DNAH2: variants seen among roughly 807,000 people sequenced by gnomAD.
The protein encoded by DNAH2 is axonemal beta dynein heavy chain 2.
Under a neutral mutation model 523.5 loss-of-function variants are expected in DNAH2, and 323 were observed. That is an observed-to-expected ratio of 0.62 (90% CI 0.56 to 0.68). The LOEUF (loss-of-function observed/expected upper bound fraction) is 0.68. Among genes scored for constraint, DNAH2 ranks in the 30% least tolerant of loss-of-function variants. The pLI is 0.00. For missense variants in DNAH2, 4,907 were observed against 5,701.5 expected, an observed-to-expected ratio of 0.86 and a Z score of 4.49; for synonymous variants, 2,093 against 2,177.4, an observed-to-expected ratio of 0.96 and a Z score of 1.08.
intron 72 of DNAH2, among the ~76,000 whole-genome samples, chr17:7,820,870 C>T (rs9905627): frequency 0.019 from 2,914 of 152,174 alleles, 92 homozygotes; most frequent in African/African-American, 0.065. Flanking sequence ...GAAACCCCAT[C>T]TCTACTAAAA....
rs1277374464 is a variant in DNAH2 at position 7,718,505 on chromosome 17, CTGAGCACCTGTCCG to C, written c.-308_-295del. On this transcript the variant is annotated 5_prime_UTR_variant, in exon 1 of 86. The change abolishes the stop of an existing upstream ORF in the 5' untranslated region. Coordinates refer to ENST00000572933, the MANE Select transcript of DNAH2 (RefSeq NM_020877.5). ...CGCCTCAGACTTTGCGCCTGGGATT[CTGAGCACCTGTCCG>C]AGATCCCCGCTTCCTGCCATCCTAC... is the stretch of plus-strand genomic sequence containing the variant. The C allele has an allele frequency of 6.6e-6, 1 of 152,164 alleles. No individual in the cohort carries two copies. Among genetic ancestry groups the C allele is most frequent in the East Asian group, 1.9e-4 (1 of 5,198 alleles). 9.4% of individuals were successfully genotyped at this position (152,164 alleles called of 1,614,324 possible).
intron 49 of DNAH2, 43 bp downstream of exon 49, chr17:7,794,401 G>A (rs1334318618): frequency 6.5e-7 from 1 of 1,542,694 alleles, no homozygotes; most frequent in East Asian, 2.4e-5. Context: ...GAGGGTAGGA[G>A]GTGAAACGTG....
chr17:7,733,096 C>G lies in DNAH2; in HGVS notation c.409C>G (p.Gln137Glu). The change falls in exon 5 of 86, where the codon CAG (glutamine) becomes GAG (glutamate). Residue 137 changes from glutamine (Q) to glutamate (E), a missense_variant. Gln to Glu is a conservative substitution (Grantham distance 29). This residue lies in a region of DNAH2 where 2,806 missense variants were observed against 3,190.8 expected (regional missense o/e 0.88). Transcript: ENST00000572933. ...ELGMPVQTQNQLVYFIRQAPV... is the reference protein window; with the variant it reads ...ELGMPVQTQNELVYFIRQAPV... Reference sequence around the variant, plus strand: ...GCTGTCTTCCATGCAGACCCAGAACCAGCTTGTCTACTTCATTCGCCAAGC... The same window carrying G: ...GCTGTCTTCCATGCAGACCCAGAACGAGCTTGTCTACTTCATTCGCCAAGC... 1 of 1,614,130 alleles carries G rather than the reference C, an allele frequency of 6.2e-7. No individual in the cohort carries two copies. Among genetic ancestry groups the G allele is most frequent in the South Asian group, 1.1e-5 (1 of 91,074 alleles).
Position 7,807,299 on chromosome 17 carries a change from A to G in DNAH2, c.9592A>G (p.Met3198Val). The G allele has an allele frequency of 6.2e-7, 1 of 1,612,978 alleles. No individual in the cohort carries two copies. Among genetic ancestry groups the G allele is most frequent in the Non-Finnish European group, 8.5e-7 (1 of 1,179,684 alleles). The stretch of plus-strand genomic sequence containing the variant: ...CTCCCTGGCTGCCAAGTCCCTCTGC[A>G]TGTGGGTGCGGGCCATGGAGGTAAA... ...RVSLAAKSLC[M>V]WVRAMELYGR... is the part of the protein sequence containing the mutation. Residue 3198 changes from methionine (M) to valine (V), a missense_variant, in exon 62 of 86, where the codon ATG (methionine) becomes GTG (valine). By Grantham distance (21) the Met-to-Val change is conservative. Coordinates refer to ENST00000572933, the MANE Select transcript of DNAH2 (RefSeq NM_020877.5). The surrounding 1 kb of genome is among the most constrained non-coding windows in gnomAD (Gnocchi z 5.6).
Position 7,734,294 on chromosome 17 carries a change from G to A in DNAH2, c.739+1G>A. On this transcript the variant is annotated splice_donor_variant, in intron 6 of 85. Transcript: ENST00000572933. LOFTEE classifies it high-confidence loss of function. ...AAAGAGCTGGTGCAACGGCTAGAGA[G>A]TGAGTGGCTGGCACTGCTAGCATCA... 1 of 1,607,474 alleles carries A rather than the reference G, an allele frequency of 6.2e-7. No individual in the cohort carries two copies. The highest frequency in any genetic ancestry group is 1.1e-5 in the South Asian group (1 of 89,978).
rs768245323 is a variant in DNAH2, at chr17:7,819,285, A to G, written c.10892A>G (p.Tyr3631Cys). 4 of 1,614,182 alleles carry G rather than the reference A, an allele frequency of 2.5e-6. No homozygotes were observed. The Admixed American group carries it at 5.0e-5, about 20-fold the overall frequency. The change falls in exon 72 of 86, where the codon TAC becomes TGC. Residue 3631 changes from tyrosine (Y) to cysteine (C), a missense_variant. Physicochemically the swap from Tyr to Cys is radical, Grantham distance 194 (BLOSUM62 -2). Transcript: ENST00000572933. ...LNDMGCIDPM[Y>C]QFSLDAYISL... ...GATATGGGCTGCATCGACCCCATGT[A>G]CCAGTTCTCACTGGATGCCTACATC...
intron 51 of DNAH2, 43 bp from the exon 52 acceptor site, chr17:7,797,357 C>T (rs1440172374): frequency 1.2e-6 from 2 of 1,613,724 alleles, no homozygotes; most frequent in East Asian, 2.2e-5. Context: ...CCAGGCCATT[C>T]TCCTCTTTAT....
chr17:7,803,269 G>T (rs1219715274), intron 58 of DNAH2, among the ~76,000 whole-genome samples: 2 of 152,108 alleles, frequency 1.3e-5, no homozygotes, highest in African/African-American at 4.8e-5. Flanking sequence ...ATAAATCAAG[G>T]GTTCCCACCA....
intron 56 of DNAH2, 134 bp from the exon 57 acceptor site, chr17:7,801,444 G>T: frequency 8.0e-7 from 1 of 1,257,564 alleles, no homozygotes; most frequent in Non-Finnish European, 1.1e-6. Context: ...AACAGAATTT[G>T]GACAAGGAGA....
At chr17:7,742,874 CCCCTGG>C in intron 11 of DNAH2, 48 bp from the exon 12 acceptor site, 1 of 1,277,860 alleles carries the variant, frequency 7.8e-7, no homozygotes, top group Non-Finnish European at 1.0e-6. Context: ...GAGATGGTGG[CCCCTGG>C]AGGAAGGTGG....
Position 7,760,965 on chromosome 17 carries a change from G to T in DNAH2, c.2978+33G>T, listed in dbSNP as rs775557901. On this transcript the variant is annotated intron_variant, in intron 18 of 85. Transcript: ENST00000572933. The surrounding 1 kb of genome is among the most constrained non-coding windows in gnomAD (Gnocchi z 4.0). ...GTGAGGGTGGATTGAAAGTCTGTCT[G>T]TAGGAGGCACAGCACTGCAGGAGGA... 1 of 1,610,308 alleles carries T rather than the reference G, an allele frequency of 6.2e-7. No individual in the cohort carries two copies. The highest frequency in any genetic ancestry group is 2.2e-5 in the East Asian group (1 of 44,860).
rs1184648122 is a variant in DNAH2, at chr17:7,828,418, C to T, written c.11854-1882C>T. On this transcript the variant is annotated intron_variant, in intron 77 of 85. Coordinates refer to ENST00000572933, the MANE Select transcript of DNAH2 (RefSeq NM_020877.5). The surrounding 1 kb of genome is among the most constrained non-coding windows in gnomAD (Gnocchi z 4.1). ...TCACATCCTTAGAACAATGAAACTC[C>T]TAATCTTTAAGTATATTTCTCCATT... 6.6e-6 allele frequency among the ~76,000 whole-genome samples: 1 copy of T among 151,956 alleles called. No homozygotes were observed. The highest frequency in any genetic ancestry group is 1.5e-5 in the Non-Finnish European group (1 of 68,030).
chr17:7,797,895 G>C (rs2077111202), intron 53 of DNAH2, 66 bp downstream of exon 53: 1 of 1,532,228 alleles, frequency 6.5e-7, no homozygotes. Context: ...TAAGGAAATA[G>C]GGGTCCCTTC....
In DNAH2 at chr17:7,754,966, GAAAAA is replaced by G; in HGVS notation, c.1905-2114_1905-2110del. The stretch of plus-strand genomic sequence containing the variant: ...TATTGGTACAAATAAGCCTGAGGCA[GAAAAA>G]AAAAAAAAAAGAATAGGCAGCCCAG... On this transcript the variant is annotated intron_variant, in intron 12 of 85. Transcript: ENST00000572933. The surrounding 1 kb of genome is among the most constrained non-coding windows in gnomAD (Gnocchi z 4.6). The G allele has an allele frequency of 1.8e-5, 5 of 277,122 alleles. No individual in the cohort carries two copies. The highest frequency in any genetic ancestry group is 1.9e-5 in the Non-Finnish European group (3 of 156,158). 17.2% of individuals were successfully genotyped at this position (277,122 alleles called of 1,614,324 possible).
In DNAH2 at chr17:7,758,363, A is replaced by ACTAGTCTAGAAT. The variant is rs374774905; in HGVS notation, c.2052-115_2052-104dup. ...CATTGCAAAAAGTTCTTTTGGAAGT[A>ACTAGTCTAGAAT]CTAGTCTAGAATCTAGTCTAGAATC... On this transcript the variant is annotated intron_variant, in intron 13 of 85. Transcript: ENST00000572933. The ACTAGTCTAGAAT allele has an allele frequency of 4.9e-3, 5,715 of 1,161,028 alleles. 193 individuals carry two copies. In the African/African-American group the frequency reaches 0.073, roughly 15 times the overall value. The allele number at this position is 1,161,028 out of a possible 1,614,324, so 71.9% of individuals were successfully genotyped here.
Position 7,775,333 on chromosome 17 carries a change from C to T in DNAH2, c.4812C>T (p.Gly1604=). 6.2e-7 allele frequency: 1 copy of T among 1,611,098 alleles called. No homozygotes were observed. Among genetic ancestry groups the T allele is most frequent in the Non-Finnish European group, 8.5e-7 (1 of 1,178,526 alleles). The change falls in exon 30 of 86, where the codon GGC becomes GGT. Residue 1604 remains glycine (G), a synonymous_variant. Coordinates refer to ENST00000572933, the MANE Select transcript of DNAH2 (RefSeq NM_020877.5). ...TCCTCCACTCAGTATTTTTAGAAGG[C>T]CCTGTGGAGGTGAGTTGTGGTGAGG... ...IDFLHSVFLE[G]PVESWLGDVE...
At chr17:7,777,781 TC>T in intron 33 of DNAH2, 147 bp downstream of exon 33, 1 of 1,052,338 alleles carries the variant, frequency 9.5e-7, no homozygotes. Context: ...TTCCATCTCC[TC>T]CCCACAATCA....
chr17:7,776,425 C>T (rs375955682), intron 31 of DNAH2, among the ~76,000 whole-genome samples: 31 of 152,064 alleles, frequency 2.0e-4, no homozygotes, highest in African/African-American at 5.5e-4. Flanking sequence ...GAGATTGTGC[C>T]GCTGCACTCC....
intron 2 of DNAH2, among the ~76,000 whole-genome samples, 165 bp from the exon 3 acceptor site, chr17:7,723,463 G>T (rs1482932016): frequency 6.6e-6 from 1 of 151,436 alleles, no homozygotes; most frequent in Admixed American, 6.6e-5. Flanking sequence ...GTAGAGACGG[G>T]GTTTCACTAT....
Sources: gnomAD v4.1 joint callset for allele counts (sites outside exome capture counted in the v4.1 genomes callset) on GRCh38, gnomAD v4.1.1 for gene constraint, gnomAD v4.1.1 regional missense constraint, Gnocchi (gnomAD v3.1) non-coding constraint, MANE v1.5 for transcripts, NCBI Gene and HGNC (gene_info 2026-07-23, HGNC 2026-07-21) for gene names.